TMEM71: variants seen among roughly 807,000 people sequenced by gnomAD.
TMEM71 encodes the protein transmembrane protein 71.
Under a neutral mutation model 38.0 loss-of-function variants are expected in TMEM71, and 44 were observed. That is an observed-to-expected ratio of 1.16 (90% CI 0.91 to 1.49). TMEM71 has a LOEUF of 1.49. Among genes scored for constraint, TMEM71 ranks in the 40% most tolerant of loss-of-function variants. The probability of loss-of-function intolerance (pLI) is 0.00; values close to 1 mark genes in which losing one functional copy is unlikely to be tolerated. For synonymous variants in TMEM71, 133 were observed against 122.5 expected, an observed-to-expected ratio of 1.09 and a Z score of -0.56; for missense variants, 367 against 348.6, an observed-to-expected ratio of 1.05 and a Z score of -0.42.
chr8:132,724,728 T>C (rs979439828), intron 6 of TMEM71, among the ~76,000 whole-genome samples: 1 of 152,174 alleles, frequency 6.6e-6, no homozygotes, highest in African/African-American at 2.4e-5. Context: ...GCATAACAAA[T>C]TATGAAAGCA....
At chr8:132,721,395 C>G (rs1268806837) in intron 7 of TMEM71, among the ~76,000 whole-genome samples, 1 of 152,172 alleles carries the variant, frequency 6.6e-6, no homozygotes, top group African/African-American at 2.4e-5. Context: ...GTGGGAACTT[C>G]AAGTGGCTTT....
At chr8:132,716,077 G>A (rs1443789752) in intron 7 of TMEM71, among the ~76,000 whole-genome samples, 1 of 152,166 alleles carries the variant, frequency 6.6e-6, no homozygotes, top group Non-Finnish European at 1.5e-5. Flanking sequence ...ACTGGAGGGG[G>A]CCCCGCCCTC....
chr8:132,727,859 C>A lies in TMEM71; in HGVS notation c.615G>T (p.Leu205Phe), dbSNP rs374673384. ...SQPPGGNSHSLSLQSQLTASE... is the reference protein window; with the variant it reads ...SQPPGGNSHSFSLQSQLTASE... ...AAGCTGTCAACTGGGACTGAAGAGA[C>A]AAGCTATGGGAGTTTCCTCCAGGAG... Residue 205 changes from leucine (L) to phenylalanine (F), a missense_variant, in exon 6 of 10, where the codon TTG (leucine) becomes TTT (phenylalanine). By Grantham distance (22) the Leu-to-Phe change is conservative. Transcript: ENST00000677595. The A allele has an allele frequency of 1.2e-6, 2 of 1,613,886 alleles. No homozygotes were observed. Among genetic ancestry groups the A allele is most frequent in the African/African-American group, 2.7e-5 (2 of 74,904 alleles).
At chr8:132,718,273 T>C (rs1826643408) in intron 7 of TMEM71, among the ~76,000 whole-genome samples, 1 of 152,190 alleles carries the variant, frequency 6.6e-6, no homozygotes, top group African/African-American at 2.4e-5. Flanking sequence ...TAAAATGCAA[T>C]GAATAGCATT....
At chr8:132,765,654 G>T (rs568981441), upstream of TMEM71, among the ~76,000 whole-genome samples, 1 of 152,026 alleles carries the variant, frequency 6.6e-6, no homozygotes, top group Non-Finnish European at 1.5e-5. Context: ...AACTGAGCTC[G>T]CTTACCAGTG....
At chr8:132,719,926 T>C (rs1018257349) in intron 7 of TMEM71, among the ~76,000 whole-genome samples, 2 of 152,206 alleles carry the variant, frequency 1.3e-5, no homozygotes, top group African/African-American at 4.8e-5. Context: ...GTTTAGTCAT[T>C]GCGTCTGCTA....
At chr8:132,762,811 A>G (rs1219285943), upstream of TMEM71, among the ~76,000 whole-genome samples, 1 of 152,154 alleles carries the variant, frequency 6.6e-6, no homozygotes, top group Non-Finnish European at 1.5e-5. Flanking sequence ...GTGTGTCAGC[A>G]TTTTCTACAA....
the TMEM71 span, among the ~76,000 whole-genome samples, chr8:132,768,525 A>G: frequency 4.1e-3 from 629 of 152,234 alleles, 4 homozygotes; most frequent in African/African-American, 0.014. Context: ...CTGTTTGCTC[A>G]GGGTTCATTT....
chr8:132,726,438 C>T (rs1473796694), intron 6 of TMEM71, among the ~76,000 whole-genome samples: 1 of 152,102 alleles, frequency 6.6e-6, no homozygotes, highest in Non-Finnish European at 1.5e-5. Flanking sequence ...TGTTATGTAA[C>T]AATAACTTCA....
chr8:132,746,488 C>CATATATATATACAT lies in TMEM71; in HGVS notation c.487+453_487+454insATGTATATATATAT, dbSNP rs58252714. On this transcript the variant is annotated intron_variant, in intron 5 of 9. Coordinates refer to ENST00000677595, the MANE Select transcript of TMEM71 (RefSeq NM_001382403.1). ...ACATATATATATACATATATATATA[C>CATATATATATACAT]ATATATATACATATATATGTATATA... 5.5e-4 allele frequency among the ~76,000 whole-genome samples: 30 copies of CATATATATATACAT among 54,304 alleles called. No individual in the cohort carries two copies. The South Asian group carries it at 0.011, about 21-fold the overall frequency. 35.6% of individuals were successfully genotyped at this position (54,304 alleles called of 152,430 possible). A position where few individuals can be genotyped will look rare whatever the true frequency, so the allele number is the denominator to read the frequency against.
chr8:132,709,877 G>T (rs1271979170), downstream of TMEM71: 1 of 151,836 alleles, frequency 6.6e-6, no homozygotes, highest in Non-Finnish European at 1.5e-5. Flanking sequence ...TTCAATGAAT[G>T]ATGTTCTGCC....
intron 5 of TMEM71, among the ~76,000 whole-genome samples, chr8:132,735,604 G>A (rs560824191): frequency 2.0e-5 from 3 of 152,290 alleles, no homozygotes; most frequent in African/African-American, 2.4e-5. Flanking sequence ...ATATTTAGAG[G>A]ATATTTGGAA....
chr8:132,720,396 G>A lies in TMEM71; in HGVS notation c.752+1644C>T, dbSNP rs536668816. On this transcript the variant is annotated intron_variant, in intron 7 of 9. Coordinates refer to ENST00000677595, the MANE Select transcript of TMEM71 (RefSeq NM_001382403.1). ...GGCTCTGCGATCAACTTGGAGGTGC[G>A]GAAAACACGAAGTGAAATAAAGCTA... 1.5e-3 allele frequency among the ~76,000 whole-genome samples: 224 copies of A among 152,224 alleles called. 8 individuals are homozygous for A. The South Asian group carries it at 0.041, about 28-fold the overall frequency.
downstream of TMEM71, among the ~76,000 whole-genome samples, chr8:132,709,349 T>C (rs1826139679): frequency 6.6e-6 from 1 of 152,208 alleles, no homozygotes; most frequent in South Asian, 2.1e-4. Context: ...ATGGGACATA[T>C]CCCAGACCTA....
chr8:132,725,429 A>C (rs1827088911), intron 6 of TMEM71, among the ~76,000 whole-genome samples: 2 of 152,210 alleles, frequency 1.3e-5, no homozygotes, highest in Admixed American at 1.3e-4. Flanking sequence ...GAGAAGAGAC[A>C]ACAAAAGACA....
chr8:132,748,451 T>G (rs1828514036), intron 4 of TMEM71, among the ~76,000 whole-genome samples: 1 of 152,190 alleles, frequency 6.6e-6, no homozygotes. Context: ...CAACAAATAA[T>G]TATCTGGTAC....
At chr8:132,767,001 A>C in the TMEM71 span, among the ~76,000 whole-genome samples, 1 of 152,184 alleles carries the variant, frequency 6.6e-6, no homozygotes, top group Non-Finnish European at 1.5e-5. Flanking sequence ...ACTTCCATCA[A>C]AACTTCTCCT....
intron 5 of TMEM71, among the ~76,000 whole-genome samples, chr8:132,730,731 A>T (rs10505599): frequency 0.11 from 16,706 of 152,194 alleles, 1,260 homozygotes; most frequent in Non-Finnish European, 0.17. Context: ...TCTATGGTCC[A>T]TCTAAGCCTT....
the TMEM71 span, among the ~76,000 whole-genome samples, chr8:132,772,460 C>T: frequency 6.6e-6 from 1 of 152,202 alleles, no homozygotes; most frequent in Non-Finnish European, 1.5e-5. Flanking sequence ...GGCTTCACTA[C>T]ATGGCCAGGG....
Sources: allele counts gnomAD v4.1 joint callset (sites outside exome capture counted in the v4.1 genomes callset), GRCh38; gene constraint gnomAD v4.1.1; transcripts MANE v1.5; gene names NCBI Gene and HGNC (gene_info 2026-07-23, HGNC 2026-07-21).